TNRC6A: variants seen among roughly 807,000 people sequenced by gnomAD.
TNRC6A encodes trinucleotide repeat-containing gene 6A protein.
In TNRC6A, 44 loss-of-function variants were observed where a neutral mutation model predicts 221.2. The observed-to-expected ratio is 0.20, with a 90% CI of 0.16 to 0.26. The LOEUF is 0.26. TNRC6A is among the 10% of genes least tolerant of loss of function. The probability of loss-of-function intolerance (pLI) is 1.00; values close to 1 mark genes in which losing one functional copy is unlikely to be tolerated. For missense variants in TNRC6A, 2,199 were observed against 2,404.4 expected, an observed-to-expected ratio of 0.91 and a Z score of 1.79; for synonymous variants, 847 against 838.5, an observed-to-expected ratio of 1.01 and a Z score of -0.18.
At chr16:24,794,141 T>C (rs1014609950) in intron 7 of TNRC6A, among the ~76,000 whole-genome samples, 7 of 152,238 alleles carry the variant, frequency 4.6e-5, no homozygotes, top group Admixed American at 1.3e-4. Flanking sequence ...GATAAGATGC[T>C]TTCTGCTTAA....
chr16:24,812,039 TTTTTTTTTTTTTTTTTTTTTTTTTTTTG>T (rs2058556022), intron 18 of TNRC6A, among the ~76,000 whole-genome samples: 7 of 34,672 alleles, frequency 2.0e-4, no homozygotes, highest in Admixed American at 5.1e-4. Flanking sequence ...TTTTTTTTTT[TTTTTTTTTTTTTTTTTTTTTTTTTTTTG>T]AGACAGAGTC....
At chr16:24,809,809 T>C (rs1209542737) in intron 18 of TNRC6A, among the ~76,000 whole-genome samples, 2 of 152,222 alleles carry the variant, frequency 1.3e-5, no homozygotes, top group East Asian at 3.8e-4. Context: ...TAATTTGATA[T>C]GTTCTTAGGA....
chr16:24,749,134 T>C (rs769240413), intron 2 of TNRC6A, among the ~76,000 whole-genome samples: 1 of 152,146 alleles, frequency 6.6e-6, no homozygotes, highest in Non-Finnish European at 1.5e-5. Flanking sequence ...ACTGGTTATT[T>C]TGGTTGTTGG....
rs187899087 is a variant in TNRC6A at position 24,649,308 on chromosome 16, T to G, written n.402+8299T>G. ...GTTTTCTTTGTTTTTTGTTTTGTTT[T>G]GTTTTGTTTTGTTTTTTTGAGACAG... is the stretch of plus-strand genomic sequence containing the variant. On this transcript the variant is annotated intron_variant and non_coding_transcript_variant, in intron 2 of 2. Transcript: ENST00000566108. Among the ~76,000 whole-genome samples the G allele has an allele frequency of 2.8e-3, 432 of 152,242 alleles. 3 individuals carry two copies. Among genetic ancestry groups the G allele is most frequent in the African/African-American group, 1.0e-2 (415 of 41,526 alleles).
At chr16:24,741,379 T>A (rs1191910960) in intron 2 of TNRC6A, among the ~76,000 whole-genome samples, 2 of 152,196 alleles carry the variant, frequency 1.3e-5, no homozygotes, top group Non-Finnish European at 2.9e-5. Flanking sequence ...TTTTTCTGTG[T>A]CTCTTGAAAT....
intron 2 of TNRC6A, among the ~76,000 whole-genome samples, chr16:24,654,867 C>G (rs999365132): frequency 6.6e-6 from 1 of 151,860 alleles, no homozygotes; most frequent in African/African-American, 2.4e-5. Flanking sequence ...GACACATAAC[C>G]AAAAACATTC....
chr16:24,723,591 C>A (rs1317012445), intron 2 of TNRC6A, among the ~76,000 whole-genome samples: 156 of 140,346 alleles, frequency 1.1e-3, no homozygotes, highest in South Asian at 1.4e-3. Flanking sequence ...AAGACTCTGT[C>A]AAAAAAAAAA....
chr16:24,734,637 A>T (rs2056721900), intron 2 of TNRC6A, among the ~76,000 whole-genome samples: 1 of 152,216 alleles, frequency 6.6e-6, no homozygotes, highest in African/African-American at 2.4e-5. Flanking sequence ...CTGGGATTTA[A>T]ACAGGCCTTT....
At position 24,820,373 on chromosome 16, in the gene TNRC6A, C is replaced by T. The variant is rs199954351; in HGVS notation, c.5302+13C>T. Reference sequence around the variant, plus strand: ...AGATATACCCCAGGTAAGATGCAGTCGTAAGGTGGGTTTCTGTGGTTTATT... The same window carrying T: ...AGATATACCCCAGGTAAGATGCAGTTGTAAGGTGGGTTTCTGTGGTTTATT... On this transcript the variant is annotated intron_variant, in intron 22 of 24. Coordinates refer to ENST00000395799, the MANE Select transcript of TNRC6A (RefSeq NM_014494.4). 1.3e-4 allele frequency: 203 copies of T among 1,612,038 alleles called. 4 individuals carry two copies. In the South Asian group the frequency reaches 1.3e-3, roughly 10 times the overall value.
At chr16:24,639,078 T>C (rs188486869) in intron 1 of TNRC6A, among the ~76,000 whole-genome samples, 1 of 152,354 alleles carries the variant, frequency 6.6e-6, no homozygotes, top group East Asian at 1.9e-4. Context: ...TATGAGGAAC[T>C]GGAAACAGTC....
intron 6 of TNRC6A, among the ~76,000 whole-genome samples, chr16:24,792,403 T>C (rs1235937308): frequency 2.0e-5 from 3 of 152,168 alleles, no homozygotes; most frequent in African/African-American, 7.2e-5. Context: ...GGCTACATTG[T>C]CTTTGTTAAT....
At chr16:24,702,026 C>T (rs2055988523) in intron 2 of TNRC6A, among the ~76,000 whole-genome samples, 1 of 151,774 alleles carries the variant, frequency 6.6e-6, no homozygotes, top group South Asian at 2.1e-4. Context: ...CACTGATTGC[C>T]TCCTCTTCTA....
intron 2 of TNRC6A, among the ~76,000 whole-genome samples, chr16:24,742,245 A>G (rs1307342438): frequency 6.6e-6 from 1 of 152,234 alleles, no homozygotes; most frequent in Non-Finnish European, 1.5e-5. Context: ...CTCATAAATT[A>G]GATGATGAAG....
At chr16:24,778,635 C>T (rs536713881) in intron 5 of TNRC6A, among the ~76,000 whole-genome samples, 6 of 152,206 alleles carry the variant, frequency 3.9e-5, no homozygotes, top group African/African-American at 1.4e-4. Flanking sequence ...AGTACCCAAC[C>T]CTATAAGGCT....
At chr16:24,735,433 C>T (rs550281373) in intron 2 of TNRC6A, among the ~76,000 whole-genome samples, 1 of 152,150 alleles carries the variant, frequency 6.6e-6, no homozygotes, top group South Asian at 2.1e-4. Flanking sequence ...TTTTGCTTTG[C>T]TGTGATACGG....
At position 24,698,711 on chromosome 16, in the gene TNRC6A, G is replaced by GT. The variant is rs919031037; in HGVS notation, n.403-52007dup. Among the ~76,000 whole-genome samples, 104 of 151,760 alleles carry GT rather than the reference G, an allele frequency of 6.9e-4. 1 individual carries two copies. The South Asian group carries it at 0.014, about 20-fold the overall frequency. ...AGGTTTCCCTAGGGTCTTTGGGGAG[G>GT]TTTTTTTTGTTTGTTTTTTTGGCAG... On this transcript the variant is annotated intron_variant and non_coding_transcript_variant, in intron 2 of 2. Transcript: ENST00000566108.
intron 2 of TNRC6A, among the ~76,000 whole-genome samples, chr16:24,690,753 A>C (rs906699796): frequency 2.0e-5 from 3 of 151,914 alleles, no homozygotes; most frequent in Admixed American, 6.6e-5. Context: ...AACTATAATC[A>C]CTAGTACTTA....
At chr16:24,727,575 A>ATC (rs2056513468), upstream of TNRC6A, among the ~76,000 whole-genome samples, 4 of 152,150 alleles carry the variant, frequency 2.6e-5, no homozygotes. Flanking sequence ...CATTGTCCCA[A>ATC]TTAAGAATCA....
At chr16:24,810,255 G>A (rs1482933013) in intron 18 of TNRC6A, among the ~76,000 whole-genome samples, 1 of 152,020 alleles carries the variant, frequency 6.6e-6, no homozygotes, top group Non-Finnish European at 1.5e-5. Flanking sequence ...ATCTTATTTA[G>A]TATTATCCAT....
Sources: gnomAD v4.1 joint callset for allele counts (sites outside exome capture counted in the v4.1 genomes callset) on GRCh38, gnomAD v4.1.1 for gene constraint, MANE v1.5 for transcripts, NCBI Gene and HGNC (gene_info 2026-07-23, HGNC 2026-07-21) for gene names.